Variants in SUGCT observed in about 807,000 individuals in gnomAD.
The protein encoded by SUGCT is succinyl-CoA:glutarate CoA-transferase.
Under a neutral mutation model 55.0 loss-of-function variants are expected in SUGCT, and 41 were observed. The observed-to-expected ratio is 0.74, with a 90% CI of 0.58 to 0.97. The LOEUF (loss-of-function observed/expected upper bound fraction) is 0.97, where lower values mean the gene tolerates loss of function less well. Ranked by LOEUF, SUGCT falls within the 50% of genes least tolerant of loss-of-function variation. SUGCT has a pLI of 0.00. For synonymous variants in SUGCT, 187 were observed against 200.4 expected, an observed-to-expected ratio of 0.93 and a Z score of 0.56; for missense variants, 568 against 547.8, an observed-to-expected ratio of 1.04 and a Z score of -0.37.
chr7:41,001,147 A>G, the SUGCT span, among the ~76,000 whole-genome samples: 1 of 152,160 alleles, frequency 6.6e-6, no homozygotes, highest in Non-Finnish European at 1.5e-5. Context: ...TAACATGATG[A>G]GTCTGAAAAC....
At chr7:40,546,167 G>A (rs1414697335) in intron 12 of SUGCT, among the ~76,000 whole-genome samples, 2 of 152,242 alleles carry the variant, frequency 1.3e-5, no homozygotes, top group African/African-American at 2.4e-5. Flanking sequence ...GCAGACCAAT[G>A]GGAAAAGAAT....
At chr7:40,408,942 T>C (rs976632297) in intron 9 of SUGCT, among the ~76,000 whole-genome samples, 1 of 152,178 alleles carries the variant, frequency 6.6e-6, no homozygotes, top group Non-Finnish European at 1.5e-5. Flanking sequence ...TCTCTCTCTC[T>C]CTGCTTTTTG....
At chr7:40,449,107 A>G (rs1251994303) in intron 9 of SUGCT, among the ~76,000 whole-genome samples, 180 bp from the exon 10 acceptor site, 2 of 152,092 alleles carry the variant, frequency 1.3e-5, no homozygotes, top group Non-Finnish European at 2.9e-5. Context: ...GTGTATATAT[A>G]TATTATATCT....
Position 40,818,478 on chromosome 7 carries a change from A to G in SUGCT, c.1154-41838A>G, listed in dbSNP as rs79548733. On this transcript the variant is annotated intron_variant, in intron 13 of 13. Coordinates refer to ENST00000335693, the MANE Select transcript of SUGCT (RefSeq NM_001193313.2). Reference sequence around the variant, plus strand: ...CCCAGAACATGACTACTTCTTCATAAAGAACTGGTAAGGACTGCTTTCCTC... The same window carrying G: ...CCCAGAACATGACTACTTCTTCATAGAGAACTGGTAAGGACTGCTTTCCTC... Among the ~76,000 whole-genome samples the G allele has an allele frequency of 5.5e-3, 844 of 152,334 alleles. 7 individuals carry two copies. The highest frequency in any genetic ancestry group is 8.4e-3 in the Non-Finnish European group (571 of 68,024).
chr7:40,571,191 C>T (rs1263831270), intron 12 of SUGCT, among the ~76,000 whole-genome samples: 1 of 152,172 alleles, frequency 6.6e-6, no homozygotes, highest in African/African-American at 2.4e-5. Flanking sequence ...CTTTGCATAG[C>T]TAAGCTTGCC....
chr7:40,485,642 C>T (rs905356795), intron 11 of SUGCT, among the ~76,000 whole-genome samples: 29 of 151,846 alleles, frequency 1.9e-4, no homozygotes, highest in African/African-American at 6.8e-4. Context: ...GCCTCAAACT[C>T]CTAAGCTCAA....
intron 9 of SUGCT, among the ~76,000 whole-genome samples, chr7:40,426,225 T>G (rs373248796): frequency 1.3e-5 from 2 of 152,128 alleles, no homozygotes; most frequent in Non-Finnish European, 2.9e-5. Context: ...TTGGGGGTAC[T>G]TACTGGAGAA....
chr7:40,409,665 A>AT (rs1201217457), intron 9 of SUGCT, among the ~76,000 whole-genome samples: 3 of 149,250 alleles, frequency 2.0e-5, no homozygotes, highest in African/African-American at 4.9e-5. Flanking sequence ...TTCATTTTTA[A>AT]TTTTTTTTGC....
At chr7:40,297,143 C>T (rs1183642805) in intron 8 of SUGCT, among the ~76,000 whole-genome samples, 1 of 152,062 alleles carries the variant, frequency 6.6e-6, no homozygotes, top group Non-Finnish European at 1.5e-5. Flanking sequence ...CCTTTTTCTT[C>T]TCTTTCCTTC....
At position 40,505,525 on chromosome 7, in the gene SUGCT, G is replaced by A. The variant is rs1324901430; in HGVS notation, c.1089+9139G>A. Among the ~76,000 whole-genome samples, 3 of 151,912 alleles carry A rather than the reference G, an allele frequency of 2.0e-5. No homozygotes were observed. In the South Asian group the frequency reaches 6.2e-4, roughly 32 times the overall value. On this transcript the variant is annotated intron_variant, in intron 12 of 13. Coordinates refer to ENST00000335693, the MANE Select transcript of SUGCT (RefSeq NM_001193313.2). Reference sequence around the variant, plus strand: ...AGAATTTTTAAAGTAATATCTTTGAGTTTTCTTATTGTTTTATCTAAGCCT... The same window carrying A: ...AGAATTTTTAAAGTAATATCTTTGAATTTTCTTATTGTTTTATCTAAGCCT...
the SUGCT span, among the ~76,000 whole-genome samples, chr7:40,931,577 T>C: frequency 2.0e-5 from 3 of 152,212 alleles, no homozygotes; most frequent in Non-Finnish European, 4.4e-5. Context: ...TGATAGGCTA[T>C]TAATTATTGC....
chr7:40,272,906 C>T (rs191732698), intron 7 of SUGCT, among the ~76,000 whole-genome samples: 2,634 of 151,762 alleles, frequency 0.017, 65 homozygotes, highest in African/African-American at 0.059. Context: ...GTGATCTACT[C>T]GCCTTGACCT....
At chr7:40,208,214 G>T (rs1227889908) in intron 6 of SUGCT, among the ~76,000 whole-genome samples, 1 of 152,114 alleles carries the variant, frequency 6.6e-6, no homozygotes, top group Non-Finnish European at 1.5e-5. Context: ...GTGTTTAATG[G>T]GTATAGGGTT....
intron 4 of SUGCT, among the ~76,000 whole-genome samples, chr7:40,188,955 T>C (rs1391528847): frequency 6.6e-6 from 1 of 152,202 alleles, no homozygotes; most frequent in African/African-American, 2.4e-5. Flanking sequence ...TCATGGTAAA[T>C]AGAATCAGTA....
chr7:40,165,526 CAG>C (rs1554350015), intron 1 of SUGCT, among the ~76,000 whole-genome samples: 1 of 152,148 alleles, frequency 6.6e-6, no homozygotes, highest in Non-Finnish European at 1.5e-5. Context: ...GCCAAAAAGA[CAG>C]AGAGATATAC....
intron 12 of SUGCT, among the ~76,000 whole-genome samples, chr7:40,654,814 G>T (rs1450796978): frequency 2.0e-5 from 3 of 152,154 alleles, no homozygotes; most frequent in African/African-American, 7.2e-5. Context: ...TCTTTGGTCA[G>T]CACTGGTCCA....
chr7:40,304,088 A>G (rs1353414369), intron 8 of SUGCT, among the ~76,000 whole-genome samples: 1 of 151,916 alleles, frequency 6.6e-6, no homozygotes, highest in African/African-American at 2.4e-5. Flanking sequence ...AAGAAACAGT[A>G]ACAAAAGAGC....
At chr7:40,630,174 C>G (rs992940231) in intron 12 of SUGCT, among the ~76,000 whole-genome samples, 2 of 152,236 alleles carry the variant, frequency 1.3e-5, no homozygotes, top group African/African-American at 4.8e-5. Context: ...GGAAACCTGT[C>G]TCCTGTGAGC....
chr7:40,623,262 T>G (rs1799359847), intron 12 of SUGCT, among the ~76,000 whole-genome samples: 1 of 152,166 alleles, frequency 6.6e-6, no homozygotes, highest in Non-Finnish European at 1.5e-5. Context: ...GTTCCTACTT[T>G]TCTTTCCCAA....
Sources: allele counts gnomAD v4.1 joint callset (sites outside exome capture counted in the v4.1 genomes callset), GRCh38; gene constraint gnomAD v4.1.1; transcripts MANE v1.5; gene names NCBI Gene and HGNC (gene_info 2026-07-23, HGNC 2026-07-21).